Variants in TULP3 observed in about 807,000 individuals in gnomAD.
The protein encoded by TULP3 is TUB like protein 3.
TULP3 carries 38 observed loss-of-function variants against 50.7 expected under a neutral mutation model. That is an observed-to-expected ratio of 0.75 (90% CI 0.58 to 0.98). The LOEUF is 0.98. Ranked by LOEUF, TULP3 falls within the 50% of genes least tolerant of loss-of-function variation. The probability of loss-of-function intolerance (pLI) is 0.00; values close to 1 mark genes in which losing one functional copy is unlikely to be tolerated. For missense variants in TULP3, 550 were observed against 568.0 expected (o/e 0.97, Z 0.32); for synonymous variants, 183 against 196.6 (o/e 0.93, Z 0.58).
Position 2,937,261 on chromosome 12 carries a change from G to T in TULP3, c.925-370G>T, listed in dbSNP as rs538238444. Among the ~76,000 whole-genome samples the T allele has an allele frequency of 6.9e-3, 750 of 109,286 alleles. 7 individuals are homozygous for T. Among genetic ancestry groups the T allele is most frequent in the Non-Finnish European group, 9.2e-3 (547 of 59,664 alleles). 71.7% of individuals were successfully genotyped at this position (109,286 alleles called of 152,430 possible). ...GGCAGAGTCTCACTCTTGTCGCCCA[G>T]GCTGGAGTGCAACGGCGTGATCTCG... On this transcript the variant is annotated intron_variant, in intron 8 of 10. Transcript: ENST00000448120.
At position 2,909,557 on chromosome 12, in the gene TULP3, C is replaced by A. The variant is rs201665307; in HGVS notation, c.70C>A (p.Arg24=). 2 of 1,573,472 alleles carry A rather than the reference C, an allele frequency of 1.3e-6. No homozygotes were observed. The highest frequency in any genetic ancestry group is 1.7e-6 in the Non-Finnish European group (2 of 1,168,354). The change falls in exon 2 of 11, where the codon CGA becomes AGA. Residue 24 remains arginine (R), a synonymous_variant. Coordinates refer to ENST00000448120, the MANE Select transcript of TULP3 (RefSeq NM_003324.5). ...CTTCCATGAAGAAATGATGAAGATG[C>A]GACAGGCTAAGCTGGATTATCAGGT... ...SVFHEEMMKM[R]QAKLDYQRLL...
intron 4 of TULP3, among the ~76,000 whole-genome samples, chr12:2,926,761 A>G (rs2098194910): frequency 8.9e-6 from 1 of 112,062 alleles, no homozygotes; most frequent in Non-Finnish European, 1.8e-5. Flanking sequence ...AAAAGTAGCC[A>G]GGTGTGGTGG....
chr12:2,923,936 G>A (rs2098193269), intron 4 of TULP3, among the ~76,000 whole-genome samples: 1 of 152,028 alleles, frequency 6.6e-6, no homozygotes, highest in African/African-American at 2.4e-5. Flanking sequence ...GCTTGCGATT[G>A]CACCACTGCA....
In TULP3 at chr12:2,909,309, C is replaced by T. The variant is rs1264544259; in HGVS notation, c.42-220C>T. Among the ~76,000 whole-genome samples, 4 of 152,060 alleles carry T rather than the reference C, an allele frequency of 2.6e-5. No homozygotes were observed. In the East Asian group the frequency reaches 7.7e-4, roughly 29 times the overall value. On this transcript the variant is annotated intron_variant, in intron 1 of 10. Coordinates refer to ENST00000448120, the MANE Select transcript of TULP3 (RefSeq NM_003324.5). Reference sequence around the variant, plus strand: ...TCTGTGTTTTCATCTTTTTCTTGTCCTTGGAGTATTTCAGTCTCCTCAGGT... The same window carrying T: ...TCTGTGTTTTCATCTTTTTCTTGTCTTTGGAGTATTTCAGTCTCCTCAGGT...
chr12:2,917,015 A>C (rs1475105775), intron 2 of TULP3, among the ~76,000 whole-genome samples: 1 of 152,080 alleles, frequency 6.6e-6, no homozygotes, highest in Admixed American at 6.6e-5. Flanking sequence ...AACAAGTGAG[A>C]GCTTAGTTTG....
At chr12:2,929,248 C>A in intron 4 of TULP3, among the ~76,000 whole-genome samples, 1 of 151,754 alleles carries the variant, frequency 6.6e-6, no homozygotes, top group Non-Finnish European at 1.5e-5. Flanking sequence ...ACCCGGGAGG[C>A]GGAGCTTGCA....
chr12:2,928,340 G>C (rs2098195829), intron 4 of TULP3, among the ~76,000 whole-genome samples: 1 of 152,114 alleles, frequency 6.6e-6, no homozygotes, highest in Non-Finnish European at 1.5e-5. Flanking sequence ...AGGCCAGCCT[G>C]ACCAACATGG....
At chr12:2,919,388 C>T (rs1331275153) in intron 2 of TULP3, among the ~76,000 whole-genome samples, 1 of 152,146 alleles carries the variant, frequency 6.6e-6, no homozygotes, top group Non-Finnish European at 1.5e-5. Flanking sequence ...TATCTTAACT[C>T]CCCAATCTTT....
chr12:2,935,649 G>A (rs1313107891), intron 8 of TULP3, among the ~76,000 whole-genome samples: 1 of 152,068 alleles, frequency 6.6e-6, no homozygotes, highest in African/African-American at 2.4e-5. Context: ...TTAATGTAAG[G>A]TGTCTTTCCT....
intron 4 of TULP3, among the ~76,000 whole-genome samples, chr12:2,925,459 C>T (rs919707235): frequency 6.6e-6 from 1 of 152,080 alleles, no homozygotes; most frequent in African/African-American, 2.4e-5. Flanking sequence ...GGGGTGATTC[C>T]GCTGAACAAA....
chr12:2,894,308 G>C lies in TULP3; in HGVS notation c.41+3320G>C, dbSNP rs866086816. 1.3e-3 allele frequency among the ~76,000 whole-genome samples: 183 copies of C among 137,728 alleles called. 6 individuals carry two copies. The South Asian group carries it at 0.028, about 21-fold the overall frequency. 90.4% of individuals were successfully genotyped at this position (137,728 alleles called of 152,430 possible). A position where few individuals can be genotyped will look rare whatever the true frequency, so the allele number is the denominator to read the frequency against. On this transcript the variant is annotated intron_variant, in intron 1 of 10. Transcript: ENST00000448120. ...ATGGCGGGGGGGCGGGGCGGGGGGGGGGAAATCACCTGAGGTCACGAGTTC... is the reference window on the plus strand; with the variant it reads ...ATGGCGGGGGGGCGGGGCGGGGGGGCGGAAATCACCTGAGGTCACGAGTTC...
In TULP3 at chr12:2,934,535, C is replaced by T. The variant is rs763523593; in HGVS notation, c.898C>T (p.Arg300Trp). ...GRGLVGAAHT[R>W]QELAAISYET... ...GGGTTTGGTAGGAGCGGCCCACACC[C>T]GGCAGGAGCTGGCTGCCATCTCCTA... Residue 300 changes from arginine (R) to tryptophan (W), a missense_variant, in exon 8 of 11, where the codon CGG becomes TGG. Arg to Trp is a moderately radical substitution (Grantham distance 101). Coordinates refer to ENST00000448120, the MANE Select transcript of TULP3 (RefSeq NM_003324.5). 3.1e-5 allele frequency: 49 copies of T among 1,594,596 alleles called. No homozygotes were observed. The highest frequency in any genetic ancestry group is 3.3e-4 in the Middle Eastern group (2 of 6,028).
chr12:2,891,942 C>T (rs1158954393), intron 1 of TULP3, among the ~76,000 whole-genome samples: 2 of 151,910 alleles, frequency 1.3e-5, no homozygotes, highest in Admixed American at 1.3e-4. Context: ...AAAATTTGGC[C>T]GGACACGGTG....
intron 1 of TULP3, among the ~76,000 whole-genome samples, chr12:2,905,720 G>A (rs1346491069): frequency 2.0e-5 from 3 of 151,754 alleles, no homozygotes; most frequent in Non-Finnish European, 2.9e-5. Context: ...AGGAATAAGT[G>A]GTGTCTAGAT....
chr12:2,915,016 T>C (rs1157921890), intron 2 of TULP3, among the ~76,000 whole-genome samples: 2 of 151,408 alleles, frequency 1.3e-5, no homozygotes, highest in Admixed American at 6.6e-5. Flanking sequence ...GAGACAAGAG[T>C]GTAGCCCTGT....
chr12:2,922,490 A>G (rs1034340331), intron 4 of TULP3, 88 bp downstream of exon 4: 14 of 1,488,520 alleles, frequency 9.4e-6, no homozygotes, highest in Non-Finnish European at 1.3e-5. Flanking sequence ...AACAATCTAC[A>G]TGACTGAAAA....
chr12:2,892,439 A>T (rs925317371), intron 1 of TULP3, among the ~76,000 whole-genome samples: 3 of 140,314 alleles, frequency 2.1e-5, no homozygotes, highest in Admixed American at 7.2e-5. Context: ...CAGATGTTTG[A>T]TATGACTCAG....
chr12:2,922,197 A>G (rs2153949641), intron 3 of TULP3, 65 bp from the exon 4 acceptor site: 4 of 1,562,884 alleles, frequency 2.6e-6, no homozygotes, highest in East Asian at 4.5e-5. Flanking sequence ...ACATATGCCA[A>G]ATCTACCCAA....
At chr12:2,933,325 G>A (rs2153950348) in intron 6 of TULP3, 93 bp from the exon 7 acceptor site, 1 of 753,872 alleles carries the variant, frequency 1.3e-6, no homozygotes, top group South Asian at 1.6e-5. Context: ...GACTTGCTAA[G>A]CACTGGCTGA....
Sources: gnomAD v4.1 joint callset for allele counts (sites outside exome capture counted in the v4.1 genomes callset) on GRCh38, gnomAD v4.1.1 for gene constraint, MANE v1.5 for transcripts, NCBI Gene and HGNC (gene_info 2026-07-23, HGNC 2026-07-21) for gene names.